LPCAT1: variants seen among roughly 807,000 people sequenced by gnomAD.
The protein encoded by LPCAT1 is 1-acylglycerol-3-phosphate O-acyltransferase.
LPCAT1 carries 23 observed loss-of-function variants against 60.9 expected under a neutral mutation model. The observed-to-expected ratio is 0.38, with a 90% CI of 0.27 to 0.53. The LOEUF is 0.53. LPCAT1 is among the 20% of genes least tolerant of loss of function. The pLI, the probability that LPCAT1 is intolerant of heterozygous loss-of-function variation, is 0.82. For synonymous variants in LPCAT1, 340 were observed against 301.1 expected (o/e 1.13, Z -1.34); for missense variants, 622 against 723.6 (o/e 0.86, Z 1.61).
Position 1,494,850 on chromosome 5 carries a change from C to G in LPCAT1, c.343G>C (p.Val115Leu), listed in dbSNP as rs926337665. ...AGCGCCTGCCGCCCCTTCACGGCCA[C>G]CCGGTGGAAGCCGCCGGCGAACCAC... Reference protein sequence around the residue: ...TMWFAGGFHRVAVKGRQALPT... With the variant: ...TMWFAGGFHRLAVKGRQALPT... Residue 115 changes from valine to leucine, a missense_variant, in exon 3 of 14, where the codon GTG becomes CTG. Val to Leu is a conservative substitution (Grantham distance 32). Around this residue, in one of 3 missense-constraint regions of LPCAT1, gnomAD observed 209 missense variants for 325.5 expected, o/e 0.64. Transcript: ENST00000283415. The G allele has an allele frequency of 1.9e-6, 3 of 1,613,268 alleles. No individual in the cohort carries two copies. Among genetic ancestry groups the G allele is most frequent in the Non-Finnish European group, 2.5e-6 (3 of 1,179,658 alleles).
chr5:1,505,209 A>G (rs1736144930), intron 1 of LPCAT1, among the ~76,000 whole-genome samples: 1 of 151,316 alleles, frequency 6.6e-6, no homozygotes, highest in African/African-American at 2.4e-5. Context: ...GGTGTTCCTG[A>G]AACAGCACCG....
intron 5 of LPCAT1, among the ~76,000 whole-genome samples, chr5:1,486,718 C>G (rs1199576406): frequency 6.6e-6 from 1 of 152,184 alleles, no homozygotes; most frequent in East Asian, 1.9e-4. Flanking sequence ...GGCTCCAAAC[C>G]TCACTAAGAA....
intron 1 of LPCAT1, among the ~76,000 whole-genome samples, chr5:1,513,473 G>A (rs1421630889): frequency 1.3e-5 from 2 of 152,228 alleles, no homozygotes; most frequent in Non-Finnish European, 2.9e-5. Context: ...GGAGGGAAGG[G>A]AGCAGAAACT....
chr5:1,464,485 C>T (rs1480390636), intron 13 of LPCAT1, among the ~76,000 whole-genome samples: 4 of 135,154 alleles, frequency 3.0e-5, no homozygotes, highest in Non-Finnish European at 6.7e-5. Context: ...GTGCCCACTA[C>T]AAACATCAAA....
At chr5:1,466,703 C>A in intron 13 of LPCAT1, 46 bp downstream of exon 13, 2 of 1,581,898 alleles carry the variant, frequency 1.3e-6, no homozygotes, top group Admixed American at 1.7e-5. Flanking sequence ...CTCTGTCCAG[C>A]CCCCGCCCAA....
intron 1 of LPCAT1, among the ~76,000 whole-genome samples, chr5:1,512,945 C>T (rs562701849): frequency 9.6e-4 from 146 of 152,268 alleles, no homozygotes; most frequent in Non-Finnish European, 1.6e-4. Context: ...AGGTGCAGCC[C>T]GTGTAAAGAT....
intron 2 of LPCAT1, among the ~76,000 whole-genome samples, chr5:1,497,252 G>A (rs753380927): frequency 6.6e-6 from 1 of 152,252 alleles, no homozygotes; most frequent in Non-Finnish European, 1.5e-5. Context: ...GAAATGAGGA[G>A]GAGGAAATCT....
At chr5:1,507,562 G>A in intron 1 of LPCAT1, among the ~76,000 whole-genome samples, 1 of 152,230 alleles carries the variant, frequency 6.6e-6, no homozygotes, top group East Asian at 1.9e-4. Flanking sequence ...TCACAGGTGG[G>A]AAATGCAGAG....
rs1736005101 is a variant in LPCAT1, at chr5:1,501,495, T to C, written c.244A>G (p.Lys82Glu). The C allele has an allele frequency of 6.2e-7, 1 of 1,613,530 alleles. No homozygotes were observed. Among genetic ancestry groups the C allele is most frequent in the Non-Finnish European group, 8.5e-7 (1 of 1,179,828 alleles). Residue 82 changes from lysine (K) to glutamate (E), a missense_variant, in exon 2 of 14, where the codon AAG (lysine) becomes GAG (glutamate). Lys to Glu is a moderately conservative substitution (Grantham distance 56). Transcript: ENST00000283415. ...ALVASLGSAE[K>E]EPEQPPALWR... is the part of the protein sequence containing the mutation. ...AGGGCCGGGGGCTGCTCGGGTTCCT[T>C]CTCCGCAGAGCCCAGGGATGCGACA...
intron 12 of LPCAT1, among the ~76,000 whole-genome samples, chr5:1,468,280 A>G (rs887892883): frequency 2.6e-5 from 4 of 152,244 alleles, no homozygotes; most frequent in Admixed American, 6.5e-5. Flanking sequence ...TCTGTGGTCT[A>G]CGTTTCTCTC....
Position 1,477,195 on chromosome 5 carries a change from C to A in LPCAT1, c.899+209G>T, listed in dbSNP as rs31491. Among the ~76,000 whole-genome samples the A allele has an allele frequency of 0.79, 120,241 of 152,230 alleles. 48,119 individuals are homozygous for A. Among genetic ancestry groups the A allele is most frequent in the African/African-American group, 0.92 (38,270 of 41,556 alleles). On this transcript the variant is annotated intron_variant, in intron 9 of 13. Transcript: ENST00000283415. The surrounding 1 kb of genome is among the most constrained non-coding windows in gnomAD (Gnocchi z 6.0). ...TGGAAGAACCAGTCATGCATCTTCC[C>A]AACGTCAAAGAGGGTGAAATGCCAT...
rs1044062223 is a variant in LPCAT1 at position 1,502,466 on chromosome 5, G to C, written c.136-863C>G. Among the ~76,000 whole-genome samples the C allele has an allele frequency of 6.6e-6, 1 of 152,190 alleles. No homozygotes were observed. The highest frequency in any genetic ancestry group is 2.4e-5 in the African/African-American group (1 of 41,446). On this transcript the variant is annotated intron_variant, in intron 1 of 13. Transcript: ENST00000283415. This position sits in a 1 kb window ranked among gnomAD's most constrained non-coding sequence, Gnocchi z 5.5. The stretch of plus-strand genomic sequence containing the variant: ...TGACTTTCCAGTCAATGGAAGACCC[G>C]GCGCAGGAGAGTGAACTGGCGGGAG...
chr5:1,501,855 C>G (rs189215553), intron 1 of LPCAT1, among the ~76,000 whole-genome samples: 2 of 151,998 alleles, frequency 1.3e-5, no homozygotes, highest in African/African-American at 4.8e-5. Flanking sequence ...CAAGGCTGAC[C>G]GGCACTGACC....
chr5:1,498,356 T>A (rs762901891), intron 2 of LPCAT1, among the ~76,000 whole-genome samples: 1 of 152,182 alleles, frequency 6.6e-6, no homozygotes, highest in Non-Finnish European at 1.5e-5. Context: ...AGCCCAGGAC[T>A]GTGCACCAAG....
Position 1,466,841 on chromosome 5 carries a change from C to G in LPCAT1, c.1328G>C (p.Cys443Ser). 6.2e-7 allele frequency: 1 copy of G among 1,611,242 alleles called. No individual in the cohort carries two copies. Among genetic ancestry groups the G allele is most frequent in the Non-Finnish European group, 8.5e-7 (1 of 1,178,268 alleles). ...CACCCCCAGGGCCGTCTTGAGGATG[C>G]AGGACAGGTCACCTTCGCCGACGCT... is the stretch of plus-strand genomic sequence containing the variant. The part of the protein sequence containing the change: ...DGSVGEGDLS[C>S]ILKTALGVAE... Residue 443 changes from cysteine to serine, a missense_variant, in exon 13 of 14, where the codon TGC (cysteine) becomes TCC (serine). Around this residue, in one of 3 missense-constraint regions of LPCAT1, gnomAD observed 288 missense variants for 283.6 expected, o/e 1.02. Coordinates refer to ENST00000283415, the MANE Select transcript of LPCAT1 (RefSeq NM_024830.5).
chr5:1,514,393 A>G (rs762867700), intron 1 of LPCAT1, among the ~76,000 whole-genome samples: 5 of 152,178 alleles, frequency 3.3e-5, no homozygotes, highest in African/African-American at 7.2e-5. Flanking sequence ...GAGCCATGCC[A>G]AACGCTCGCG....
In LPCAT1 at chr5:1,463,667, C is replaced by T. The variant is rs766530725; in HGVS notation, c.1589G>A (p.Arg530His). The part of the protein sequence containing the change: ...ENSDAGRKPV[R>H]KKLD ...CCCTGGGTCCTAATCCAGCTTCTTG[C>T]GAACAGGCTTCCGCCCAGCGTCTGA... Residue 530 changes from arginine to histidine, a missense_variant, in exon 14 of 14, where the codon CGC becomes CAC. This residue lies in a region of LPCAT1 where 288 missense variants were observed against 283.6 expected (regional missense o/e 1.02). Coordinates refer to ENST00000283415, the MANE Select transcript of LPCAT1 (RefSeq NM_024830.5). 7 of 1,614,054 alleles carry T rather than the reference C, an allele frequency of 4.3e-6. No homozygotes were observed. Among genetic ancestry groups the T allele is most frequent in the South Asian group, 2.2e-5 (2 of 91,090 alleles).
In LPCAT1 at chr5:1,476,535, G is replaced by C. The variant is rs1326219734; in HGVS notation, c.899+869C>G. 1.3e-5 allele frequency among the ~76,000 whole-genome samples: 2 copies of C among 152,144 alleles called. No individual in the cohort carries two copies. The highest frequency in any genetic ancestry group is 6.5e-5 in the Admixed American group (1 of 15,290). Reference sequence around the variant, plus strand: ...CCCTCTGGGCTCTCTGGAGAGGCGAGTTCCCAGCCATGCCCCGACCTGCTG... The same window carrying C: ...CCCTCTGGGCTCTCTGGAGAGGCGACTTCCCAGCCATGCCCCGACCTGCTG... On this transcript the variant is annotated intron_variant, in intron 9 of 13. Transcript: ENST00000283415. The surrounding 1 kb of genome is among the most constrained non-coding windows in gnomAD (Gnocchi z 8.6).
Position 1,483,423 on chromosome 5 carries a change from C to T in LPCAT1, c.726+5G>A. 6.2e-7 allele frequency: 1 copy of T among 1,613,746 alleles called. No homozygotes were observed. Among genetic ancestry groups the T allele is most frequent in the Non-Finnish European group, 8.5e-7 (1 of 1,180,016 alleles). On this transcript the variant is annotated splice_donor_5th_base_variant and intron_variant, in intron 6 of 13. Coordinates refer to ENST00000283415, the MANE Select transcript of LPCAT1 (RefSeq NM_024830.5). The surrounding 1 kb of genome is among the most constrained non-coding windows in gnomAD (Gnocchi z 9.2). Reference sequence around the variant, plus strand: ...GGAAGCTGACCCCAAAAAAACACAACTCACCAGTTTATTTGGATATCGTAA... The same window carrying T: ...GGAAGCTGACCCCAAAAAAACACAATTCACCAGTTTATTTGGATATCGTAA...
Sources: gnomAD v4.1 joint callset for allele counts (sites outside exome capture counted in the v4.1 genomes callset) on GRCh38, gnomAD v4.1.1 for gene constraint, gnomAD v4.1.1 regional missense constraint, Gnocchi (gnomAD v3.1) non-coding constraint, MANE v1.5 for transcripts, NCBI Gene and HGNC (gene_info 2026-07-23, HGNC 2026-07-21) for gene names.